The following TMTC2 variants were observed in gnomAD, a reference collection of about 807,000 sequenced individuals.
The protein encoded by TMTC2 is transmembrane O-mannosyltransferase targeting cadherins 2, also known as protein O-mannosyl-transferase TMTC2.
TMTC2 carries 43 observed loss-of-function variants against 82.4 expected under a neutral mutation model. That is an observed-to-expected ratio of 0.52 (90% CI 0.41 to 0.67). The LOEUF (loss-of-function observed/expected upper bound fraction) is 0.67. TMTC2 is among the 30% of genes least tolerant of loss of function. TMTC2 has a pLI of 0.00. For synonymous variants in TMTC2, 408 were observed against 381.9 expected, an observed-to-expected ratio of 1.07 and a Z score of -0.80; for missense variants, 919 against 1,012.4, an observed-to-expected ratio of 0.91 and a Z score of 1.25.
chr12:83,021,792 C>A (rs760324769), intron 8 of TMTC2: 1 of 152,032 alleles, frequency 6.6e-6, no homozygotes, highest in Non-Finnish European at 1.5e-5. Context: ...GTTTTCCACC[C>A]AAAATCTAGG....
intron 11 of TMTC2, among the ~76,000 whole-genome samples, chr12:83,068,164 T>C (rs10778938): frequency 0.4 from 60,627 of 151,868 alleles, 12,348 homozygotes; most frequent in African/African-American, 0.5. Flanking sequence ...TTACTTTCAA[T>C]TTGACTATCA....
At chr12:82,906,445 A>G (rs1428030935) in intron 3 of TMTC2, among the ~76,000 whole-genome samples, 5 of 152,148 alleles carry the variant, frequency 3.3e-5, no homozygotes, top group Non-Finnish European at 2.9e-5. Flanking sequence ...CAGGCAGATC[A>G]CATGAGGTCA....
rs528076999 is a variant in TMTC2 at position 83,004,722 on chromosome 12, A to ATTTT, written c.2070+18718_2070+18721dup. On this transcript the variant is annotated intron_variant, in intron 8 of 11. Transcript: ENST00000321196. ...TTCACAGGCAGTGTATACTGGCCGA[A>ATTTT]TTTTTTTTTTTTTTTTTTTTTTTTT... Among the ~76,000 whole-genome samples the ATTTT allele has an allele frequency of 4.7e-3, 171 of 36,034 alleles. 49 individuals carry two copies. The highest frequency in any genetic ancestry group is 0.015 in the East Asian group (11 of 744). The allele number at this position is 36,034 out of a possible 152,430, so 23.6% of individuals were successfully genotyped here.
intron 1 of TMTC2, among the ~76,000 whole-genome samples, chr12:82,704,585 A>G (rs1873253558): frequency 6.6e-6 from 1 of 152,216 alleles, no homozygotes; most frequent in Admixed American, 6.5e-5. Context: ...TTGTATTGAA[A>G]ACTGGAATGG....
At chr12:82,802,447 A>G (rs910050616) in intron 1 of TMTC2, among the ~76,000 whole-genome samples, 1 of 152,174 alleles carries the variant, frequency 6.6e-6, no homozygotes, top group Non-Finnish European at 1.5e-5. Flanking sequence ...AGTGGGCGCC[A>G]AGGCTGAGGA....
intron 9 of TMTC2, among the ~76,000 whole-genome samples, chr12:83,034,960 G>T (rs533053119): frequency 1.3e-5 from 2 of 152,312 alleles, no homozygotes; most frequent in African/African-American, 4.8e-5. Flanking sequence ...CAGATTGAAT[G>T]AATAATAACA....
At chr12:83,103,940 C>T (rs998881250) in intron 11 of TMTC2, among the ~76,000 whole-genome samples, 2 of 152,210 alleles carry the variant, frequency 1.3e-5, no homozygotes, top group Non-Finnish European at 2.9e-5. Context: ...GAGGTATAGG[C>T]ATTGCGTAAA....
intron 11 of TMTC2, among the ~76,000 whole-genome samples, chr12:83,124,312 T>C (rs1213665985): frequency 1.3e-5 from 2 of 152,228 alleles, no homozygotes; most frequent in African/African-American, 2.4e-5. Context: ...ATCAGGTTTT[T>C]CTGCTAGCAC....
intron 3 of TMTC2, among the ~76,000 whole-genome samples, chr12:82,906,332 A>G (rs1025649214): frequency 3.9e-5 from 6 of 152,068 alleles, no homozygotes; most frequent in Non-Finnish European, 7.4e-5. Flanking sequence ...GAAGATAAAA[A>G]TTTTTCAACA....
chr12:83,035,526 T>G (rs1881627910), intron 9 of TMTC2, among the ~76,000 whole-genome samples: 1 of 152,242 alleles, frequency 6.6e-6, no homozygotes, highest in Non-Finnish European at 1.5e-5. Context: ...TTCTCACAGC[T>G]CTTTTATCAA....
At chr12:83,042,696 G>T (rs1269390768) in intron 9 of TMTC2, among the ~76,000 whole-genome samples, 2 of 152,088 alleles carry the variant, frequency 1.3e-5, no homozygotes, top group Non-Finnish European at 2.9e-5. Flanking sequence ...TGGTTTTCTG[G>T]CATTTCATAA....
chr12:83,040,305 A>C (rs1197306041), intron 9 of TMTC2, among the ~76,000 whole-genome samples: 1 of 152,220 alleles, frequency 6.6e-6, no homozygotes, highest in Non-Finnish European at 1.5e-5. Context: ...GTGGTGACAC[A>C]GACCCAGAGC....
intron 3 of TMTC2, among the ~76,000 whole-genome samples, chr12:82,903,469 T>G (rs1349050941): frequency 6.6e-6 from 1 of 152,352 alleles, no homozygotes; most frequent in African/African-American, 2.4e-5. Flanking sequence ...TGGAGTGCAG[T>G]GGCGCGATCT....
At chr12:82,808,089 TA>T (rs970173602) in intron 1 of TMTC2, among the ~76,000 whole-genome samples, 2 of 151,906 alleles carry the variant, frequency 1.3e-5, no homozygotes, top group East Asian at 1.9e-4. Context: ...AAAAATATCT[TA>T]AAAAAACTGT....
intron 9 of TMTC2, among the ~76,000 whole-genome samples, chr12:83,044,358 A>T (rs1215102612): frequency 1.3e-5 from 2 of 152,170 alleles, no homozygotes; most frequent in African/African-American, 4.8e-5. Context: ...AAGACTCTGA[A>T]CCAGGAGCCA....
intron 2 of TMTC2, among the ~76,000 whole-genome samples, chr12:82,883,865 CTTCTT>C (rs1288060527): frequency 1.3e-5 from 2 of 152,150 alleles, no homozygotes; most frequent in Non-Finnish European, 2.9e-5. Flanking sequence ...AGAGAAGTAT[CTTCTT>C]TACTTTCGTT....
At chr12:82,900,634 A>G (rs534544477) in intron 3 of TMTC2, among the ~76,000 whole-genome samples, 9 of 146,124 alleles carry the variant, frequency 6.2e-5, no homozygotes, top group Non-Finnish European at 1.4e-4. Context: ...AGGAATATAT[A>G]TAGGAATATA....
intron 4 of TMTC2, among the ~76,000 whole-genome samples, chr12:82,960,841 A>G (rs554025691): frequency 5.9e-5 from 9 of 151,752 alleles, no homozygotes; most frequent in Non-Finnish European, 1.3e-4. Context: ...AAAAAAATGT[A>G]TAATGTGTTC....
rs372668283 is a variant in TMTC2, at chr12:83,095,230, G to GT, written c.2331+33410dup. On this transcript the variant is annotated intron_variant, in intron 11 of 11. Coordinates refer to ENST00000321196, the MANE Select transcript of TMTC2 (RefSeq NM_152588.3). ...CCAAAATTTCATGGTTTTTTTTTTT[G>GT]TTTTTTTTTTTGTTTTTTTTGTTTT... Among the ~76,000 whole-genome samples, 945 of 126,202 alleles carry GT rather than the reference G, an allele frequency of 7.5e-3. 3 individuals are homozygous for GT. Among genetic ancestry groups the GT allele is most frequent in the Middle Eastern group, 0.018 (4 of 218 alleles). 82.8% of individuals were successfully genotyped at this position (126,202 alleles called of 152,430 possible). A position where few individuals can be genotyped will look rare whatever the true frequency, so the allele number is the denominator to read the frequency against.
Sources: allele counts gnomAD v4.1 joint callset (sites outside exome capture counted in the v4.1 genomes callset), GRCh38; gene constraint gnomAD v4.1.1; transcripts MANE v1.5; gene names NCBI Gene and HGNC (gene_info 2026-07-23, HGNC 2026-07-21).